Variants in PLCXD1 observed in about 807,000 individuals in gnomAD.
PLCXD1 encodes PI-PLC X domain-containing protein 1.
Under a neutral mutation model 37.8 loss-of-function variants are expected in PLCXD1, and 45 were observed. The observed-to-expected ratio is 1.19, with a 90% CI of 0.94 to 1.53. PLCXD1 has a LOEUF of 1.53. PLCXD1 is among the 40% of genes most tolerant of loss of function. The pLI is 0.00. For synonymous variants in PLCXD1, 246 were observed against 206.9 expected (o/e 1.19, Z -1.62); for missense variants, 539 against 454.7 (o/e 1.19, Z -1.69).
intron 2 of PLCXD1, among the ~76,000 whole-genome samples, chrX:287,487 TATAG>T (rs1322344668): frequency 7.7e-6 from 1 of 129,556 alleles, no homozygotes; most frequent in East Asian, 2.0e-4. Flanking sequence ...TATGTTTATA[TATAG>T]ATATAGATAC....
At chrX:278,938 G>A (rs906835690), upstream of PLCXD1, among the ~76,000 whole-genome samples, 1 of 152,112 alleles carries the variant, frequency 6.6e-6, no homozygotes, top group African/African-American at 2.4e-5. Context: ...AGAGACCCCC[G>A]AACAGGCTTT....
Position 300,874 on chromosome X carries a change from C to T in PLCXD1, c.*1539C>T, listed in dbSNP as rs998640360. The T allele has an allele frequency of 7.9e-5, 12 of 151,848 alleles. No individual in the cohort carries two copies. Among genetic ancestry groups the T allele is most frequent in the African/African-American group, 2.9e-4 (12 of 41,298 alleles). 9.4% of individuals were successfully genotyped at this position (151,848 alleles called of 1,614,324 possible). A position where few individuals can be genotyped will look rare whatever the true frequency, so the allele number is the denominator to read the frequency against. On this transcript the variant is annotated 3_prime_UTR_variant, in exon 7 of 7. Transcript: ENST00000381657. The stretch of plus-strand genomic sequence containing the variant: ...ATGTGCCACCACACCCGACTAATTT[C>T]ATATATTTAGTAGAGACGGGGTTTC...
intron 5 of PLCXD1, among the ~76,000 whole-genome samples, chrX:292,528 G>A (rs1308538889): frequency 1.3e-5 from 2 of 152,020 alleles, no homozygotes; most frequent in African/African-American, 4.8e-5. Context: ...GCCCAGGCTC[G>A]AATTCCTGGC....
upstream of PLCXD1, among the ~76,000 whole-genome samples, chrX:280,272 A>AGAGGGGAGGCCGTGCAGGAG (rs2069234980): frequency 6.9e-6 from 1 of 145,788 alleles, no homozygotes; most frequent in East Asian, 2.1e-4. Context: ...CCCTGCAGGC[A>AGAGGGGAGGCCGTGCAGGAG]GAGGGGAGGC....
intron 3 of PLCXD1, 136 bp from the exon 4 acceptor site, chrX:290,512 A>G: frequency 2.2e-6 from 2 of 896,506 alleles, no homozygotes; most frequent in South Asian, 3.3e-5. Flanking sequence ...CCCAGCACAT[A>G]CAAACAGCTG....
intron 1 of PLCXD1, chrX:283,800 G>A (rs2069357721): frequency 5.4e-6 from 1 of 184,180 alleles, no homozygotes; most frequent in African/African-American, 2.4e-5. Flanking sequence ...AAGAGCCAGG[G>A]CTTTCACGCT....
chrX:291,499 G>A lies in PLCXD1; in HGVS notation c.394G>A (p.Asp132Asn). Residue 132 changes from aspartate (D) to asparagine (N), a missense_variant and splice_region_variant, in exon 5 of 7, where the codon GAC (aspartate) becomes AAC (asparagine). Physicochemically the swap from Asp to Asn is conservative, Grantham distance 23. Coordinates refer to ENST00000381657, the MANE Select transcript of PLCXD1 (RefSeq NM_018390.4). ...HMVYTTALVE[D>N]TLTEISEWLE... ...CTCAGCCCAGCACCCCCCTCCCCAG[G>A]ACACACTCACGGAAATCTCGGAGTG... The A allele has an allele frequency of 6.2e-7, 1 of 1,612,400 alleles. No individual in the cohort carries two copies. Among genetic ancestry groups the A allele is most frequent in the Non-Finnish European group, 8.5e-7 (1 of 1,179,838 alleles).
chrX:287,550 AT>A (rs1302147116), intron 2 of PLCXD1, among the ~76,000 whole-genome samples: 1 of 98,040 alleles, frequency 1.0e-5, no homozygotes. Flanking sequence ...TTATATATAG[AT>A]ATAGATACTA....
rs1351779825 is a variant in PLCXD1, at chrX:299,139, A to C, written c.776A>C (p.Gln259Pro). The C allele has an allele frequency of 2.2e-5, 36 of 1,613,820 alleles. No individual in the cohort carries two copies. Among genetic ancestry groups the C allele is most frequent in the Non-Finnish European group, 2.9e-5 (34 of 1,179,844 alleles). ...GGCATCAACCTCACGGAGAACCTGC[A>C]GTACGTTCTGGCGCACCCGTCCGAG... ...VAGINLTENL[Q>P]YVLAHPSESL... The change falls in exon 7 of 7, where the codon CAG (glutamine) becomes CCG (proline). Residue 259 changes from glutamine to proline, a missense_variant. Transcript: ENST00000381657.
intron 2 of PLCXD1, among the ~76,000 whole-genome samples, chrX:287,497 G>A (rs1166545151): frequency 1.6e-5 from 2 of 121,306 alleles, no homozygotes; most frequent in Non-Finnish European, 3.2e-5. Context: ...TATAGATATA[G>A]ATACTATATA....
Position 302,278 on chromosome X carries a change from C to G in PLCXD1, c.*2943C>G, listed in dbSNP as rs1419256175. On this transcript the variant is annotated 3_prime_UTR_variant, in exon 7 of 7. Coordinates refer to ENST00000381657, the MANE Select transcript of PLCXD1 (RefSeq NM_018390.4). The stretch of plus-strand genomic sequence containing the variant: ...CTACAGGTACAAGGGAGACCCCCCC[C>G]CCACGGAAGGCGCCCCCAGTCCGTG... The G allele has an allele frequency of 6.6e-6, 1 of 152,192 alleles. No homozygotes were observed. Among genetic ancestry groups the G allele is most frequent in the Non-Finnish European group, 1.5e-5 (1 of 68,184 alleles). 9.4% of individuals were successfully genotyped at this position (152,192 alleles called of 1,614,324 possible). A position where few individuals can be genotyped will look rare whatever the true frequency, so the allele number is the denominator to read the frequency against.
chrX:278,886 C>T (rs149735579), upstream of PLCXD1, among the ~76,000 whole-genome samples: 915 of 152,154 alleles, frequency 6.0e-3, 12 homozygotes, highest in African/African-American at 0.018. Flanking sequence ...TGAATCCATA[C>T]GTGTAAGACG....
upstream of PLCXD1, among the ~76,000 whole-genome samples, chrX:280,252 C>G (rs1331015184): frequency 6.6e-6 from 1 of 151,528 alleles, no homozygotes; most frequent in East Asian, 1.9e-4. Context: ...CCAGGCAGAT[C>G]ACTGCACAGC....
chrX:282,397 CAAAACA>C (rs945118258), intron 1 of PLCXD1, among the ~76,000 whole-genome samples: 2 of 103,290 alleles, frequency 1.9e-5, no homozygotes, highest in African/African-American at 4.0e-5. Context: ...AAAAACAAAA[CAAAACA>C]AAAAAAAAAC....
Position 291,523 on chromosome X carries a change from T to A in PLCXD1, c.418T>A (p.Trp140Arg). 6.2e-7 allele frequency: 1 copy of A among 1,612,070 alleles called. No homozygotes were observed. The highest frequency in any genetic ancestry group is 1.3e-5 in the African/African-American group (1 of 74,828). Residue 140 changes from tryptophan (W) to arginine (R), a missense_variant, in exon 5 of 7, where the codon TGG (tryptophan) becomes AGG (arginine). Physicochemically the swap from Trp to Arg is moderately radical, Grantham distance 101. Transcript: ENST00000381657. ...GGACACACTCACGGAAATCTCGGAGTGGCTGGAGCGGCATCCACGCGAGGT... is the reference window on the plus strand; with the variant it reads ...GGACACACTCACGGAAATCTCGGAGAGGCTGGAGCGGCATCCACGCGAGGT... ...VEDTLTEISE[W>R]LERHPREVVI...
At chrX:286,317 G>A (rs930429702) in intron 2 of PLCXD1, among the ~76,000 whole-genome samples, 10 of 151,960 alleles carry the variant, frequency 6.6e-5, no homozygotes, top group Middle Eastern at 3.2e-3. Context: ...CACCTGCCTC[G>A]GCCTCCCAAA....
At chrX:289,510 C>CTTTTTTTTTTTTTTTTT (rs1281823641) in intron 3 of PLCXD1, among the ~76,000 whole-genome samples, 6 of 97,786 alleles carry the variant, frequency 6.1e-5, no homozygotes, top group South Asian at 2.6e-4. Context: ...CTTTTTCTTT[C>CTTTTTTTTTTTTTTTTT]TTTTTCTTTT....
Position 300,104 on chromosome X carries a change from T to A in PLCXD1, c.*769T>A. ...GGTCTCTCTATGTTGGCCAGGTTGGTCTTGAACTCCTGGCCTCAAGTGATC... is the reference window on the plus strand; with the variant it reads ...GGTCTCTCTATGTTGGCCAGGTTGGACTTGAACTCCTGGCCTCAAGTGATC... On this transcript the variant is annotated 3_prime_UTR_variant, in exon 7 of 7. Coordinates refer to ENST00000381657, the MANE Select transcript of PLCXD1 (RefSeq NM_018390.4). 6.7e-6 allele frequency: 1 copy of A among 149,562 alleles called. No homozygotes were observed. The highest frequency in any genetic ancestry group is 2.1e-4 in the South Asian group (1 of 4,666). The allele number at this position is 149,562 out of a possible 1,614,324, so 9.3% of individuals were successfully genotyped here.
At position 299,295 on chromosome X, in the gene PLCXD1, G is replaced by C. The variant is rs1357996025; in HGVS notation, c.932G>C (p.Ser311Thr). 1.2e-6 allele frequency: 2 copies of C among 1,613,778 alleles called. No homozygotes were observed. Among genetic ancestry groups the C allele is most frequent in the Non-Finnish European group, 1.7e-6 (2 of 1,179,824 alleles). ...TTCATCGGCGCAGACGGCTTCGTCA[G>C]TGACGTCATCGCGCTCAATCAGAAG... ...GDFIGADGFV[S>T]DVIALNQKLL... The change falls in exon 7 of 7, where the codon AGT (serine) becomes ACT (threonine). Residue 311 changes from serine (S) to threonine (T), a missense_variant. Coordinates refer to ENST00000381657, the MANE Select transcript of PLCXD1 (RefSeq NM_018390.4).
Sources: gnomAD v4.1 joint callset for allele counts (sites outside exome capture counted in the v4.1 genomes callset) on GRCh38, gnomAD v4.1.1 for gene constraint, MANE v1.5 for transcripts, NCBI Gene and HGNC (gene_info 2026-07-23, HGNC 2026-07-21) for gene names.